The following SLC25A40 variants were observed in gnomAD, a reference collection of about 807,000 sequenced individuals.
SLC25A40 encodes the protein solute carrier family 25 member 40.
Under a neutral mutation model 46.5 loss-of-function variants are expected in SLC25A40, and 41 were observed. The observed-to-expected ratio is 0.88, with a 90% CI of 0.69 to 1.14. The LOEUF (loss-of-function observed/expected upper bound fraction) is 1.14, where lower values mean the gene tolerates loss of function less well. Ranked by LOEUF, SLC25A40 falls within the 50% of genes most tolerant of loss-of-function variation. The pLI is 0.00. For missense variants in SLC25A40, 386 were observed against 393.6 expected (o/e 0.98, Z 0.16); for synonymous variants, 126 against 127.5 (o/e 0.99, Z 0.08).
rs984570654 is a variant in SLC25A40, at chr7:87,836,434, C to G, written c.905-73G>C. 7 of 978,180 alleles carry G rather than the reference C, an allele frequency of 7.2e-6. No homozygotes were observed. In the African/African-American group the frequency reaches 1.0e-4, roughly 15 times the overall value. The allele number at this position is 978,180 out of a possible 1,614,324, so 60.6% of individuals were successfully genotyped here. On this transcript the variant is annotated intron_variant, in intron 11 of 11. Transcript: ENST00000341119. The stretch of plus-strand genomic sequence containing the variant: ...TATTTTTAAAAATATTATTTTTTGG[C>G]TTTATTCTGATAATTATCAAATTAA...
At chr7:87,865,352 T>C (rs1194346369) in intron 1 of SLC25A40, among the ~76,000 whole-genome samples, 1 of 152,372 alleles carries the variant, frequency 6.6e-6, no homozygotes, top group East Asian at 1.9e-4. Flanking sequence ...TGTCTTAATT[T>C]ACCTATTTTT....
intron 2 of SLC25A40, chr7:87,860,098 G>A (rs979530473): frequency 1.3e-5 from 2 of 152,164 alleles, no homozygotes; most frequent in African/African-American, 2.4e-5. Context: ...GTGGGGGACT[G>A]AGGCATGAGA....
chr7:87,870,869 C>T (rs539012838), intron 1 of SLC25A40, among the ~76,000 whole-genome samples: 1 of 152,286 alleles, frequency 6.6e-6, no homozygotes, highest in African/African-American at 2.4e-5. Context: ...GACCTCATTC[C>T]TCCTGGATGC....
chr7:87,858,384 C>T (rs963290251), intron 3 of SLC25A40, among the ~76,000 whole-genome samples: 1 of 152,138 alleles, frequency 6.6e-6, no homozygotes, highest in African/African-American at 2.4e-5. Context: ...CACCCCCTCC[C>T]CTTTTGAAAT....
Position 87,846,973 on chromosome 7 carries a change from C to T in SLC25A40, c.607G>A (p.Val203Ile). 6.2e-7 allele frequency: 1 copy of T among 1,612,292 alleles called. No individual in the cohort carries two copies. Among genetic ancestry groups the T allele is most frequent in the Non-Finnish European group, 8.5e-7 (1 of 1,179,216 alleles). The change falls in exon 8 of 12, where the codon GTT becomes ATT. Residue 203 changes from valine to isoleucine, a missense_variant. Physicochemically the swap from Val to Ile is conservative, Grantham distance 29. Transcript: ENST00000341119. ...CCTGAGAAAGGTACATCTCTAAGAA[C>T]AGTAGGAGCCCAGCCCCTCCAAAGG... ...ISLWRGWAPT[V>I]LRDVPFSAMY...
At chr7:87,859,367 A>G (rs1217307316) in intron 2 of SLC25A40, among the ~76,000 whole-genome samples, 1 of 151,958 alleles carries the variant, frequency 6.6e-6, no homozygotes, top group African/African-American at 2.4e-5. Flanking sequence ...GCGTGAACCC[A>G]GGAGGCGGAG....
chr7:87,868,951 A>G (rs1039110415), intron 1 of SLC25A40, among the ~76,000 whole-genome samples: 8 of 152,218 alleles, frequency 5.3e-5, no homozygotes, highest in Non-Finnish European at 1.5e-5. Context: ...CCCTAAAGCT[A>G]TCAGTCAGTA....
chr7:87,867,648 G>C (rs1838824776), intron 1 of SLC25A40, among the ~76,000 whole-genome samples: 1 of 152,002 alleles, frequency 6.6e-6, no homozygotes, highest in South Asian at 2.1e-4. Context: ...ATTTCCTATA[G>C]ATTTATGTCC....
In SLC25A40 at chr7:87,863,215, C is replaced by T. The variant is rs551836545; in HGVS notation, c.-93-2575G>A. On this transcript the variant is annotated intron_variant, in intron 1 of 11. Transcript: ENST00000341119. Reference sequence around the variant, plus strand: ...ATACTTAGGAATGCATGATATGGTTCGGTTGTCTCCCCACCCAAATCACAT... The same window carrying T: ...ATACTTAGGAATGCATGATATGGTTTGGTTGTCTCCCCACCCAAATCACAT... Among the ~76,000 whole-genome samples the T allele has an allele frequency of 1.1e-4, 17 of 152,140 alleles. 1 individual carries two copies. The highest frequency in any genetic ancestry group is 3.4e-4 in the African/African-American group (14 of 41,512).
At chr7:87,839,629 G>C (rs1838302790) in intron 10 of SLC25A40, among the ~76,000 whole-genome samples, 1 of 151,584 alleles carries the variant, frequency 6.6e-6, no homozygotes. Flanking sequence ...TCTGTTATAG[G>C]ATATGGCATT....
At chr7:87,843,423 T>G (rs1838364898) in intron 9 of SLC25A40, among the ~76,000 whole-genome samples, 1 of 152,032 alleles carries the variant, frequency 6.6e-6, no homozygotes, top group Admixed American at 6.6e-5. Flanking sequence ...TGACATTGCA[T>G]GAAATATTAC....
Position 87,843,875 on chromosome 7 carries a change from G to A in SLC25A40, c.632-12C>T. ...ATACCAGTACATTGCTATAAAAACA[G>A]AGAATGAAATGAACACATATTTAGA... On this transcript the variant is annotated splice_polypyrimidine_tract_variant and intron_variant, in intron 8 of 11. Coordinates refer to ENST00000341119, the MANE Select transcript of SLC25A40 (RefSeq NM_018843.4). 6.4e-7 allele frequency: 1 copy of A among 1,553,528 alleles called. No homozygotes were observed. The highest frequency in any genetic ancestry group is 8.8e-7 in the Non-Finnish European group (1 of 1,134,048).
intron 1 of SLC25A40, among the ~76,000 whole-genome samples, chr7:87,875,525 C>A (rs1838983621): frequency 6.6e-6 from 1 of 151,916 alleles, no homozygotes; most frequent in African/African-American, 2.4e-5. Flanking sequence ...TTCAAAATAT[C>A]CTCTTCCTCC....
rs937156504 is a variant in SLC25A40, at chr7:87,867,208, C to T, written c.-93-6568G>A. On this transcript the variant is annotated intron_variant, in intron 1 of 11. Coordinates refer to ENST00000341119, the MANE Select transcript of SLC25A40 (RefSeq NM_018843.4). ...ATTTCTTTGAATAAGTTTTCTACCT[C>T]AACTCCCTCTTGAACACCAATAATT... Among the ~76,000 whole-genome samples, 4 of 152,206 alleles carry T rather than the reference C, an allele frequency of 2.6e-5. 1 individual carries two copies. The highest frequency in any genetic ancestry group is 4.1e-4 in the South Asian group (2 of 4,828).
chr7:87,868,271 T>A (rs988076111), intron 1 of SLC25A40, among the ~76,000 whole-genome samples: 1 of 152,192 alleles, frequency 6.6e-6, no homozygotes, highest in Non-Finnish European at 1.5e-5. Flanking sequence ...AGGAAAAGTA[T>A]CTGTGATACT....
At chr7:87,873,429 CTTTTTTTT>C (rs573186397) in intron 1 of SLC25A40, among the ~76,000 whole-genome samples, 1 of 125,680 alleles carries the variant, frequency 8.0e-6, no homozygotes, top group Non-Finnish European at 1.6e-5. Flanking sequence ...GAAAGGTTAA[CTTTTTTTT>C]TTTTTTTTTT....
chr7:87,841,159 G>GTATATA (rs376277104), intron 10 of SLC25A40, among the ~76,000 whole-genome samples: 4 of 137,702 alleles, frequency 2.9e-5, no homozygotes. Context: ...GTGTGTGTGT[G>GTATATA]TATATATATA....
At chr7:87,864,652 G>A (rs559896018) in intron 1 of SLC25A40, among the ~76,000 whole-genome samples, 14 of 152,216 alleles carry the variant, frequency 9.2e-5, no homozygotes, top group South Asian at 4.1e-4. Context: ...GTTTCCACTC[G>A]CATAAATGAA....
At chr7:87,864,487 A>G (rs1454057314) in intron 1 of SLC25A40, among the ~76,000 whole-genome samples, 1 of 152,180 alleles carries the variant, frequency 6.6e-6, no homozygotes, top group Non-Finnish European at 1.5e-5. Context: ...TTTGCTTTAT[A>G]TATCAGGGTG....
Sources: gnomAD v4.1 joint callset for allele counts (sites outside exome capture counted in the v4.1 genomes callset) on GRCh38, gnomAD v4.1.1 for gene constraint, MANE v1.5 for transcripts, NCBI Gene and HGNC (gene_info 2026-07-23, HGNC 2026-07-21) for gene names.